PCLAF: variants seen among roughly 807,000 people sequenced by gnomAD.
PCLAF encodes the protein PCNA-associated factor.
A neutral mutation model predicts 15.1 loss-of-function variants in PCLAF; 12 were observed. The observed-to-expected ratio is 0.79, with a 90% confidence interval of 0.51 to 1.29. The LOEUF (loss-of-function observed/expected upper bound fraction) is 1.29. PCLAF is among the 50% of genes most tolerant of loss of function. The pLI is 0.00. For missense variants in PCLAF, 116 were observed against 130.9 expected, an observed-to-expected ratio of 0.89 and a Z score of 0.56; for synonymous variants, 33 against 47.1, an observed-to-expected ratio of 0.70 and a Z score of 1.22.
At chr15:64,373,649 A>G in intron 3 of PCLAF, 1 of 1,529,988 alleles carries the variant, frequency 6.5e-7, no homozygotes, top group African/African-American at 1.4e-5. Context: ...GGGTAGGAGC[A>G]GCGCCAGAAG....
upstream of PCLAF, among the ~76,000 whole-genome samples, chr15:64,381,673 C>T (rs889888429): frequency 1.3e-5 from 2 of 152,042 alleles, no homozygotes; most frequent in East Asian, 1.9e-4. Flanking sequence ...CAGGGGTACC[C>T]GACTAGTGGG....
chr15:64,387,237 C>G (rs1899964349), intron 1 of PCLAF, among the ~76,000 whole-genome samples: 1 of 151,976 alleles, frequency 6.6e-6, no homozygotes, highest in Non-Finnish European at 1.5e-5. Flanking sequence ...AAAAAATTAG[C>G]CGGGCGTGGT....
At position 64,372,842 on chromosome 15, in the gene PCLAF, G is replaced by A. The variant is rs143112521; in HGVS notation, c.290+3901C>T. On this transcript the variant is annotated intron_variant, in intron 3 of 3. Coordinates refer to ENST00000300035, the MANE Select transcript of PCLAF (RefSeq NM_014736.6). ...AAAAATTAGCTGGATGTGGTGGCACGTGCCTGTAATCCCAGTTACTCAAGA... is the reference window on the plus strand; with the variant it reads ...AAAAATTAGCTGGATGTGGTGGCACATGCCTGTAATCCCAGTTACTCAAGA... Among the ~76,000 whole-genome samples the A allele has an allele frequency of 1.1e-4, 17 of 151,616 alleles. No individual in the cohort carries two copies. The East Asian group carries it at 1.8e-3, about 16-fold the overall frequency.
At chr15:64,370,840 T>G (rs1292030041) in intron 3 of PCLAF, among the ~76,000 whole-genome samples, 5 of 148,040 alleles carry the variant, frequency 3.4e-5, no homozygotes, top group Admixed American at 1.3e-4. Context: ...TTTTTTTTTT[T>G]TTTTTTTTTT....
intron 3 of PCLAF, among the ~76,000 whole-genome samples, chr15:64,369,783 C>G (rs1057426939): frequency 1.3e-5 from 2 of 152,128 alleles, no homozygotes; most frequent in African/African-American, 4.8e-5. Flanking sequence ...GTTTTAATTA[C>G]TCTTTCAGCC....
At chr15:64,379,771 T>A (rs1488040256) in intron 2 of PCLAF, among the ~76,000 whole-genome samples, 1 of 152,150 alleles carries the variant, frequency 6.6e-6, no homozygotes, top group Non-Finnish European at 1.5e-5. Context: ...GCAGGGCATT[T>A]TCTCATCTAC....
intron 3 of PCLAF, among the ~76,000 whole-genome samples, chr15:64,375,887 T>C (rs547931620): frequency 3.9e-5 from 6 of 152,336 alleles, no homozygotes; most frequent in African/African-American, 1.4e-4. Context: ...GAACTGATCC[T>C]CTTTGAGAGA....
intron 3 of PCLAF, among the ~76,000 whole-genome samples, chr15:64,375,700 A>G (rs1168334495): frequency 1.3e-5 from 2 of 152,158 alleles, no homozygotes; most frequent in Non-Finnish European, 1.5e-5. Flanking sequence ...GCCTGGTTAT[A>G]TATTTCTTGT....
chr15:64,380,474 A>G (rs1446332575), intron 2 of PCLAF, among the ~76,000 whole-genome samples: 1 of 152,034 alleles, frequency 6.6e-6, no homozygotes, highest in African/African-American at 2.4e-5. Flanking sequence ...TAATCCCAGT[A>G]GGAGGATTGT....
Position 64,377,162 on chromosome 15 carries a change from C to T in PCLAF, c.128-257G>A, listed in dbSNP as rs141866421. ...GAAAAATATTTTTATATTTTGTCCA[C>T]AAGCAGAGCTATTCAAATACTCTTG... On this transcript the variant is annotated intron_variant, in intron 2 of 3. Transcript: ENST00000300035. Among the ~76,000 whole-genome samples, 2,248 of 151,790 alleles carry T rather than the reference C, an allele frequency of 0.015. 245 individuals are homozygous for T. In the South Asian group the frequency reaches 0.29, roughly 20 times the overall value.
At chr15:64,381,876 G>A (rs375486090), upstream of PCLAF, among the ~76,000 whole-genome samples, 3 of 152,116 alleles carry the variant, frequency 2.0e-5, no homozygotes. Context: ...CTTTCCTTTA[G>A]TCCCCCAGGC....
Position 64,364,919 on chromosome 15 carries a change from G to C in PCLAF, c.*1111C>G, listed in dbSNP as rs972515415. Reference sequence around the variant, plus strand: ...AGGCTGGTCTTGAACTCCTATCTCAGGTGATCCACCTGCCTTGGCCTCCCA... The same window carrying C: ...AGGCTGGTCTTGAACTCCTATCTCACGTGATCCACCTGCCTTGGCCTCCCA... On this transcript the variant is annotated 3_prime_UTR_variant, in exon 4 of 4. Transcript: ENST00000300035. 1 of 151,668 alleles carries C rather than the reference G, an allele frequency of 6.6e-6. No homozygotes were observed. Among genetic ancestry groups the C allele is most frequent in the Non-Finnish European group, 1.5e-5 (1 of 67,974 alleles). 9.4% of individuals were successfully genotyped at this position (151,668 alleles called of 1,614,324 possible). A position where few individuals can be genotyped will look rare whatever the true frequency, so the allele number is the denominator to read the frequency against.
intron 3 of PCLAF, among the ~76,000 whole-genome samples, chr15:64,376,278 G>C (rs759782411): frequency 1.3e-5 from 2 of 151,988 alleles, no homozygotes; most frequent in African/African-American, 2.4e-5. Context: ...GAAATTAGAA[G>C]AAGTTTTTAA....
At chr15:64,377,333 G>A (rs1300845017) in intron 2 of PCLAF, among the ~76,000 whole-genome samples, 2 of 149,916 alleles carry the variant, frequency 1.3e-5, no homozygotes, top group Admixed American at 6.7e-5. Context: ...TGGGTGTGGC[G>A]GCACGTGCCT....
At chr15:64,387,658 G>C in exon 1 of PCLAF, 1 of 1,407,650 alleles carries the variant, frequency 7.1e-7, no homozygotes, top group Non-Finnish European at 9.3e-7. Context: ...GACAGAGCTC[G>C]ACTCCGGAGG....
At chr15:64,385,515 C>T (rs1280788093), upstream of PCLAF, among the ~76,000 whole-genome samples, 1 of 151,886 alleles carries the variant, frequency 6.6e-6, no homozygotes, top group African/African-American at 2.4e-5. Context: ...ATCCCAGCTA[C>T]TCGGGAAGCT....
intron 3 of PCLAF, among the ~76,000 whole-genome samples, chr15:64,366,691 G>A (rs1260250089): frequency 6.6e-6 from 1 of 151,976 alleles, no homozygotes; most frequent in Admixed American, 6.6e-5. Flanking sequence ...TAAAAAATCA[G>A]GCCGGGGTCG....
chr15:64,384,370 G>A (rs998141167), upstream of PCLAF, among the ~76,000 whole-genome samples: 6 of 151,966 alleles, frequency 3.9e-5, no homozygotes, highest in South Asian at 2.1e-4. Context: ...CTGACCTCAG[G>A]TGATCTGCCT....
intron 3 of PCLAF, chr15:64,373,651 C>T (rs1819715581): frequency 2.0e-6 from 3 of 1,530,210 alleles, no homozygotes; most frequent in Middle Eastern, 1.7e-4. Flanking sequence ...GTAGGAGCAG[C>T]GCCAGAAGTA....
Sources: allele counts gnomAD v4.1 joint callset (sites outside exome capture counted in the v4.1 genomes callset), GRCh38; gene constraint gnomAD v4.1.1; transcripts MANE v1.5; gene names NCBI Gene and HGNC (gene_info 2026-07-23, HGNC 2026-07-21).